ARFGEF2: variants seen among roughly 807,000 people sequenced by gnomAD.
ARFGEF2 encodes the protein brefeldin A-inhibited guanine nucleotide-exchange protein 2.
ARFGEF2 carries 74 observed loss-of-function variants against 219.9 expected under a neutral mutation model. The ratio of observed to expected loss-of-function variants is 0.34; its 90% CI spans 0.28 to 0.41. ARFGEF2 has a LOEUF of 0.41. ARFGEF2 is among the 10% of genes least tolerant of loss of function. ARFGEF2 has a pLI of 1.00. For synonymous variants in ARFGEF2, 733 were observed against 799.2 expected (o/e 0.92, Z 1.40); for missense variants, 1,743 against 2,218.3 (o/e 0.79, Z 4.30).
intron 1 of ARFGEF2, among the ~76,000 whole-genome samples, chr20:48,935,753 C>T (rs1445758705): frequency 1.9e-4 from 28 of 148,646 alleles, no homozygotes; most frequent in Non-Finnish European, 3.6e-4. Context: ...CCGGACAGGG[C>T]GGCTGGCTGG....
In ARFGEF2 at chr20:48,921,847, G is replaced by GCCGCCCGCCCGCGGGGCCGTCAGCCC. The variant is rs758309970; in HGVS notation, c.-37_-12dup. ...CAGCCTAGCTCGCCATCTCGCTCAC[G>GCCGCCCGCCCGCGGGGCCGTCAGCCC]CCGCCCGCCCGCGGGGCCGTCAGCC... On this transcript the variant is annotated 5_prime_UTR_variant, in exon 1 of 39. Coordinates refer to ENST00000371917, the MANE Select transcript of ARFGEF2 (RefSeq NM_006420.3). 3.4e-4 allele frequency: 505 copies of GCCGCCCGCCCGCGGGGCCGTCAGCCC among 1,487,514 alleles called. No individual in the cohort carries two copies. Among genetic ancestry groups the GCCGCCCGCCCGCGGGGCCGTCAGCCC allele is most frequent in the Middle Eastern group, 1.7e-3 (9 of 5,424 alleles). The allele number at this position is 1,487,514 out of a possible 1,614,324, so 92.1% of individuals were successfully genotyped here. A position where few individuals can be genotyped will look rare whatever the true frequency, so the allele number is the denominator to read the frequency against.
intron 37 of ARFGEF2, among the ~76,000 whole-genome samples, chr20:49,030,318 A>G (rs558993490): frequency 2.0e-5 from 3 of 152,194 alleles, no homozygotes; most frequent in Non-Finnish European, 2.9e-5. Flanking sequence ...ATTTTCAGCA[A>G]TTGGGGCATT....
At chr20:48,998,635 C>A in intron 25 of ARFGEF2, 130 bp downstream of exon 25, 2 of 897,250 alleles carry the variant, frequency 2.2e-6, no homozygotes, top group Non-Finnish European at 1.7e-6. Flanking sequence ...CCTGTGCAGT[C>A]AAGGACAGCT....
intron 21 of ARFGEF2, among the ~76,000 whole-genome samples, chr20:48,992,323 T>A (rs539354526): frequency 6.6e-6 from 1 of 152,354 alleles, no homozygotes; most frequent in South Asian, 2.1e-4. Flanking sequence ...TTCTAATTTT[T>A]TCTGCCATCT....
At chr20:48,960,562 C>T (rs1297390012) in intron 6 of ARFGEF2, among the ~76,000 whole-genome samples, 1 of 151,820 alleles carries the variant, frequency 6.6e-6, no homozygotes, top group Non-Finnish European at 1.5e-5. Context: ...CTGCTCACTG[C>T]AACCTCCACC....
intron 35 of ARFGEF2, among the ~76,000 whole-genome samples, chr20:49,023,615 T>C (rs1329873087): frequency 1.3e-5 from 2 of 149,308 alleles, no homozygotes; most frequent in African/African-American, 4.9e-5. Context: ...CTCGGCTCAC[T>C]GCAAGCTCCG....
intron 3 of ARFGEF2, among the ~76,000 whole-genome samples, chr20:48,950,435 CAT>C (rs1000603645): frequency 6.6e-6 from 1 of 151,404 alleles, no homozygotes; most frequent in African/African-American, 2.4e-5. Context: ...AATACATATT[CAT>C]ATATATATAT....
At chr20:48,982,210 G>A (rs2091300215) in intron 14 of ARFGEF2, among the ~76,000 whole-genome samples, 1 of 152,158 alleles carries the variant, frequency 6.6e-6, no homozygotes, top group Non-Finnish European at 1.5e-5. Flanking sequence ...ATTCCTTTCT[G>A]TTTGTAGCTT....
At chr20:49,022,106 G>A (rs2091568418) in intron 34 of ARFGEF2, among the ~76,000 whole-genome samples, 1 of 129,190 alleles carries the variant, frequency 7.7e-6, no homozygotes. Flanking sequence ...AGTGAGCTGA[G>A]ATCATGCCAC....
chr20:48,932,708 T>C (rs1305266821), intron 1 of ARFGEF2, among the ~76,000 whole-genome samples: 3 of 152,172 alleles, frequency 2.0e-5, no homozygotes, highest in Non-Finnish European at 2.9e-5. Context: ...AGACAGGTTC[T>C]ACTGGGAGCA....
At chr20:48,960,295 G>A (rs2091138875) in intron 6 of ARFGEF2, among the ~76,000 whole-genome samples, 1 of 152,106 alleles carries the variant, frequency 6.6e-6, no homozygotes, top group Admixed American at 6.6e-5. Context: ...TCACAATGCA[G>A]TACAAAAGAT....
chr20:48,957,239 T>G (rs955199547), intron 6 of ARFGEF2, among the ~76,000 whole-genome samples: 3 of 152,208 alleles, frequency 2.0e-5, no homozygotes, highest in Non-Finnish European at 2.9e-5. Flanking sequence ...AACTTATGCT[T>G]ACCCCTCATT....
At chr20:48,991,306 C>A in intron 21 of ARFGEF2, 108 bp downstream of exon 21, 1 of 1,466,710 alleles carries the variant, frequency 6.8e-7, no homozygotes, top group Non-Finnish European at 9.5e-7. Flanking sequence ...AGTCAAATCA[C>A]TGTACCTCAT....
chr20:48,958,681 A>T (rs2091120527), intron 6 of ARFGEF2, among the ~76,000 whole-genome samples: 1 of 151,810 alleles, frequency 6.6e-6, no homozygotes, highest in Admixed American at 6.6e-5. Flanking sequence ...TGACCTCGTG[A>T]TCTGCCCACC....
At chr20:48,961,976 C>T (rs1488427154) in intron 6 of ARFGEF2, among the ~76,000 whole-genome samples, 2 of 151,572 alleles carry the variant, frequency 1.3e-5, no homozygotes, top group Non-Finnish European at 2.9e-5. Context: ...GCTGGGAGTT[C>T]AAGACTAGCC....
intron 3 of ARFGEF2, among the ~76,000 whole-genome samples, chr20:48,946,799 C>T (rs2091031309): frequency 6.6e-6 from 1 of 151,392 alleles, no homozygotes; most frequent in Admixed American, 6.6e-5. Context: ...TGTGCCCAGC[C>T]AGTTTTTTTG....
At chr20:49,011,714 T>C (rs1176576650) in intron 27 of ARFGEF2, among the ~76,000 whole-genome samples, 2 of 152,382 alleles carry the variant, frequency 1.3e-5, no homozygotes, top group African/African-American at 4.8e-5. Context: ...GCAGGAAGAC[T>C]GTCTAGCCCA....
In ARFGEF2 at chr20:49,010,278, G is replaced by A. The variant is rs780540626; in HGVS notation, c.3631G>A (p.Val1211Met). The stretch of plus-strand genomic sequence containing the variant: ...GGCGATCCGCTGCATTGCCCAGATG[G>A]TGAACTCCCAGGCGGCCAACATCCG... Reference protein sequence around the residue: ...DMAIRCIAQMVNSQAANIRSG... With the variant: ...DMAIRCIAQMMNSQAANIRSG... Residue 1211 changes from valine (V) to methionine (M), a missense_variant, in exon 27 of 39, where the codon GTG (valine) becomes ATG (methionine). Transcript: ENST00000371917. 5 of 1,614,090 alleles carry A rather than the reference G, an allele frequency of 3.1e-6. No homozygotes were observed.
At chr20:48,968,100 T>G (rs1482550209) in intron 8 of ARFGEF2, among the ~76,000 whole-genome samples, 1 of 151,896 alleles carries the variant, frequency 6.6e-6, no homozygotes, top group Non-Finnish European at 1.5e-5. Context: ...TTCATGCCAT[T>G]CTCCTGCCTT....
Sources: allele counts gnomAD v4.1 joint callset (sites outside exome capture counted in the v4.1 genomes callset), GRCh38; gene constraint gnomAD v4.1.1; transcripts MANE v1.5; gene names NCBI Gene and HGNC (gene_info 2026-07-23, HGNC 2026-07-21).